The following BFSP1 variants were observed in gnomAD, a reference collection of about 807,000 sequenced individuals.
The protein encoded by BFSP1 is beaded filament structural protein 1.
BFSP1 carries 38 observed loss-of-function variants against 43.9 expected under a neutral mutation model. The ratio of observed to expected loss-of-function variants is 0.87; its 90% CI spans 0.67 to 1.14. The LOEUF (loss-of-function observed/expected upper bound fraction) is 1.14, where lower values mean the gene tolerates loss of function less well. Among genes scored for constraint, BFSP1 ranks in the 50% most tolerant of loss-of-function variants. The probability of loss-of-function intolerance (pLI) is 0.00; values close to 1 mark genes in which losing one functional copy is unlikely to be tolerated. For synonymous variants in BFSP1, 352 were observed against 354.8 expected (o/e 0.99, Z 0.09); for missense variants, 850 against 875.1 (o/e 0.97, Z 0.36).
chr20:17,532,203 G>A (rs1466436271), upstream of BFSP1, among the ~76,000 whole-genome samples: 1 of 151,998 alleles, frequency 6.6e-6, no homozygotes, highest in Non-Finnish European at 1.5e-5. Context: ...ACCTGAGTTC[G>A]AGGCCAGCCT....
Position 17,508,881 on chromosome 20 carries a change from G to A in BFSP1, c.735+8C>T, listed in dbSNP as rs775926976. ...GCCCCAATGCACACGCGGCAGACTC[G>A]AGCGTACCTGTGCCTGCAGCTCCAC... is the stretch of plus-strand genomic sequence containing the variant. On this transcript the variant is annotated splice_region_variant and intron_variant, in intron 5 of 7. Transcript: ENST00000377873. The A allele has an allele frequency of 1.3e-5, 21 of 1,571,606 alleles. No individual in the cohort carries two copies. Among genetic ancestry groups the A allele is most frequent in the South Asian group, 1.1e-4 (9 of 83,696 alleles).
At chr20:17,535,842 G>C (rs924754872), upstream of BFSP1, among the ~76,000 whole-genome samples, 2 of 152,184 alleles carry the variant, frequency 1.3e-5, no homozygotes, top group African/African-American at 4.8e-5. Flanking sequence ...ATGGCTAAGA[G>C]AGGGAGAGGT....
At position 17,514,729 on chromosome 20, in the gene BFSP1, G is replaced by GC; in HGVS notation, c.525dup (p.His176AlafsTer79). On this transcript the variant is annotated frameshift_variant, in exon 3 of 8. Coordinates refer to ENST00000377873, the MANE Select transcript of BFSP1 (RefSeq NM_001195.5). LOFTEE classifies it high-confidence loss of function. ...CAAGGGGTCATGATTACCTTCTTGTGCCTGTCCTTTGCCGCACTGATATCA... is the reference window on the plus strand; with the variant it reads ...CAAGGGGTCATGATTACCTTCTTGTGCCCTGTCCTTTGCCGCACTGATATCA... The GC allele has an allele frequency of 6.2e-7, 1 of 1,613,960 alleles. No individual in the cohort carries two copies. The highest frequency in any genetic ancestry group is 8.5e-7 in the Non-Finnish European group (1 of 1,179,860).
Position 17,498,775 on chromosome 20 carries a change from T to C in BFSP1, c.956+45A>G, listed in dbSNP as rs76186660. 5,341 of 1,586,798 alleles carry C rather than the reference T, an allele frequency of 3.4e-3. 168 individuals are homozygous for C. In the African/African-American group the frequency reaches 0.063, roughly 19 times the overall value. On this transcript the variant is annotated intron_variant, in intron 6 of 7. Coordinates refer to ENST00000377873, the MANE Select transcript of BFSP1 (RefSeq NM_001195.5). ...CACACAATAGGCACTCAATAAAGAG[T>C]TGTGGAAGGAATAAGTGGCCTGGAT... is the stretch of plus-strand genomic sequence containing the variant.
intron 1 of BFSP1, among the ~76,000 whole-genome samples, chr20:17,550,414 T>C (rs572939756): frequency 4.6e-5 from 7 of 151,938 alleles, no homozygotes; most frequent in Admixed American, 1.3e-4. Context: ...TAAAGAAAAC[T>C]GTTCTTGGCA....
At chr20:17,511,565 T>C (rs2034080110) in intron 4 of BFSP1, among the ~76,000 whole-genome samples, 1 of 151,988 alleles carries the variant, frequency 6.6e-6, no homozygotes, top group African/African-American at 2.4e-5. Context: ...CCACCACCAT[T>C]AGAAGAGCAA....
At chr20:17,536,501 C>T (rs2034630597) in intron 1 of BFSP1, among the ~76,000 whole-genome samples, 1 of 152,068 alleles carries the variant, frequency 6.6e-6, no homozygotes, top group Admixed American at 6.6e-5. Context: ...CACTGCACTC[C>T]AGTCTAGGTG....
Position 17,564,027 on chromosome 20 carries a change from A to G in BFSP1, n.51-932T>C, listed in dbSNP as rs117945803. ...ACCTTAGAAAGACAATCTATGCACA[A>G]CAAAGCAACAGTATAGAAATTGGGG... is the stretch of plus-strand genomic sequence containing the variant. On this transcript the variant is annotated intron_variant and non_coding_transcript_variant, in intron 1 of 6. Transcript: ENST00000473415. Among the ~76,000 whole-genome samples the G allele has an allele frequency of 5.3e-5, 8 of 152,228 alleles. No individual in the cohort carries two copies. The East Asian group carries it at 9.6e-4, about 18-fold the overall frequency.
At chr20:17,530,541 G>A (rs2034511120) in intron 1 of BFSP1, among the ~76,000 whole-genome samples, 1 of 152,208 alleles carries the variant, frequency 6.6e-6, no homozygotes, top group African/African-American at 2.4e-5. Flanking sequence ...AATCAGAATG[G>A]GTGCCTCCGG....
Position 17,546,342 on chromosome 20 carries a change from G to A in BFSP1, c.2+12346C>T, listed in dbSNP as rs533382786. Among the ~76,000 whole-genome samples, 4 of 152,106 alleles carry A rather than the reference G, an allele frequency of 2.6e-5. No individual in the cohort carries two copies. In the East Asian group the frequency reaches 5.8e-4, roughly 22 times the overall value. Reference sequence around the variant, plus strand: ...ATCATGAGAACAGCATGGAGAAACCGCCGCCATAATCCAATCACGTGGGGA... The same window carrying A: ...ATCATGAGAACAGCATGGAGAAACCACCGCCATAATCCAATCACGTGGGGA... On this transcript the variant is annotated intron_variant, in intron 1 of 7. Coordinates refer to the BFSP1 transcript ENST00000377868.
chr20:17,506,523 T>G (rs921882633), intron 5 of BFSP1, among the ~76,000 whole-genome samples: 3 of 150,164 alleles, frequency 2.0e-5, no homozygotes, highest in African/African-American at 7.5e-5. Context: ...TATAATTAGT[T>G]TCTTTTTTTT....
In BFSP1 at chr20:17,529,090, T is replaced by TGTGTGTGTGTGTGTGTGTGTGTGA. The variant is rs577672397; in HGVS notation, c.377+1862_377+1863insTCACACACACACACACACACACAC. 6.1e-3 allele frequency among the ~76,000 whole-genome samples: 932 copies of TGTGTGTGTGTGTGTGTGTGTGTGA among 151,560 alleles called. 15 individuals are homozygous for TGTGTGTGTGTGTGTGTGTGTGTGA. The highest frequency in any genetic ancestry group is 0.022 in the African/African-American group (882 of 41,014). On this transcript the variant is annotated intron_variant, in intron 1 of 7. Transcript: ENST00000377873. ...GTGTGTGTGTGTGTGTGTGTGTGTGTGAGACAGAGTCTCACTCTGTCACCC... is the reference window on the plus strand; with the variant it reads ...GTGTGTGTGTGTGTGTGTGTGTGTGTGTGTGTGTGTGTGTGTGTGTGTGAGAGACAGAGTCTCACTCTGTCACCC...
intron 1 of BFSP1, among the ~76,000 whole-genome samples, chr20:17,528,239 G>A (rs574304698): frequency 2.0e-5 from 3 of 152,148 alleles, no homozygotes; most frequent in Non-Finnish European, 4.4e-5. Flanking sequence ...GCAAAGGGAG[G>A]GAATAAATTA....
chr20:17,542,010 G>A (rs1285040335), intron 1 of BFSP1, among the ~76,000 whole-genome samples: 1 of 152,146 alleles, frequency 6.6e-6, no homozygotes, highest in Non-Finnish European at 1.5e-5. Flanking sequence ...GCCACTTTGC[G>A]AGGGTTTGCT....
At chr20:17,566,810 C>A (rs139468734) in intron 1 of BFSP1, among the ~76,000 whole-genome samples, 3,394 of 152,234 alleles carry the variant, frequency 0.022, 110 homozygotes, top group African/African-American at 0.077. Flanking sequence ...CCTGCCACCA[C>A]GCCTGGCTGA....
intron 7 of BFSP1, 77 bp from the exon 8 acceptor site, chr20:17,495,106 G>A (rs2033600857): frequency 7.3e-7 from 1 of 1,379,170 alleles, no homozygotes; most frequent in African/African-American, 1.5e-5. Flanking sequence ...TGGAAAATAG[G>A]CTAACTCTCT....
intron 1 of BFSP1, among the ~76,000 whole-genome samples, chr20:17,551,532 G>C (rs1468861106): frequency 1.3e-5 from 2 of 152,256 alleles, no homozygotes; most frequent in South Asian, 2.1e-4. Flanking sequence ...CAGTGCTCAA[G>C]CTCACAGATG....
intron 1 of BFSP1, among the ~76,000 whole-genome samples, chr20:17,529,831 T>C (rs1220678715): frequency 6.6e-6 from 1 of 152,084 alleles, no homozygotes; most frequent in African/African-American, 2.4e-5. Flanking sequence ...CCTGCTGCAG[T>C]ATTGGTGGAG....
chr20:17,527,763 AG>A (rs2034453549), intron 1 of BFSP1, among the ~76,000 whole-genome samples: 2 of 152,092 alleles, frequency 1.3e-5, no homozygotes, highest in African/African-American at 4.8e-5. Flanking sequence ...AGAGAGAGAG[AG>A]AGTGATTTCA....
Sources: gnomAD v4.1 joint callset for allele counts (sites outside exome capture counted in the v4.1 genomes callset) on GRCh38, gnomAD v4.1.1 for gene constraint, MANE v1.5 for transcripts, NCBI Gene and HGNC (gene_info 2026-07-23, HGNC 2026-07-21) for gene names.